FBXO11: variants seen among roughly 807,000 people sequenced by gnomAD.
FBXO11 encodes F-box protein 11.
Under a neutral mutation model 117.0 loss-of-function variants are expected in FBXO11, and 13 were observed. The ratio of observed to expected loss-of-function variants is 0.11; its 90% CI spans 0.07 to 0.18. The LOEUF (loss-of-function observed/expected upper bound fraction) is 0.18. Ranked by LOEUF, FBXO11 falls within the 10% of genes least tolerant of loss-of-function variation. The pLI is 1.00. For synonymous variants in FBXO11, 490 were observed against 380.5 expected, an observed-to-expected ratio of 1.29 and a Z score of -3.35; for missense variants, 767 against 1,164.4, an observed-to-expected ratio of 0.66 and a Z score of 4.97.
chr2:47,842,079 G>A (rs1414313240), intron 1 of FBXO11, among the ~76,000 whole-genome samples: 5 of 151,240 alleles, frequency 3.3e-5, no homozygotes, highest in African/African-American at 9.7e-5. Flanking sequence ...GCAGTTGCGC[G>A]ATCTCGGCTC....
intron 1 of FBXO11, among the ~76,000 whole-genome samples, chr2:47,879,641 G>A (rs1390140026): frequency 6.6e-6 from 1 of 152,160 alleles, no homozygotes; most frequent in Non-Finnish European, 1.5e-5. Flanking sequence ...TGTATATCAG[G>A]AAGGCTACCC....
Position 47,832,426 on chromosome 2 carries a change from G to A in FBXO11, c.1321C>T (p.His441Tyr). ...TTCCGTCTAATAATTGGGTTTCCAT[G>A]ATTTTTAACCCAAATCCCAGCTAAC... ...NALAGIWVKN[H>Y]GNPIIRRNHI... is the part of the protein sequence containing the mutation. The change falls in exon 11 of 23, where the codon CAT becomes TAT. Residue 441 changes from histidine (H) to tyrosine (Y), a missense_variant. Around this residue, in one of 10 missense-constraint regions of FBXO11, gnomAD observed 33 missense variants for 66.1 expected, o/e 0.50. Transcript: ENST00000403359. The A allele has an allele frequency of 6.2e-7, 1 of 1,613,452 alleles. No individual in the cohort carries two copies. The highest frequency in any genetic ancestry group is 8.5e-7 in the Non-Finnish European group (1 of 1,179,578).
At chr2:47,824,352 T>C (rs955830554) in intron 11 of FBXO11, among the ~76,000 whole-genome samples, 6 of 151,970 alleles carry the variant, frequency 3.9e-5, no homozygotes, top group Admixed American at 2.0e-4. Context: ...ATTAGCCAGG[T>C]GTGGTGACAT....
intron 1 of FBXO11, among the ~76,000 whole-genome samples, chr2:47,872,945 G>A (rs1481315912): frequency 6.6e-6 from 1 of 151,882 alleles, no homozygotes; most frequent in Non-Finnish European, 1.5e-5. Flanking sequence ...AGTAAATATT[G>A]ATAGCTATAA....
intron 1 of FBXO11, among the ~76,000 whole-genome samples, chr2:47,903,177 T>A (rs892297012): frequency 3.3e-5 from 5 of 152,200 alleles, no homozygotes; most frequent in African/African-American, 1.2e-4. Flanking sequence ...TATTTTTCCA[T>A]ATGGCTGGCA....
At chr2:47,822,340 A>G (rs1175226014) in intron 12 of FBXO11, 37 bp from the exon 13 acceptor site, 3 of 1,365,050 alleles carry the variant, frequency 2.2e-6, no homozygotes, top group Non-Finnish European at 3.1e-6. Flanking sequence ...GAAGACATCT[A>G]TTCAGCCAAA....
chr2:47,823,264 G>C lies in FBXO11; in HGVS notation c.1495C>G (p.His499Asp). Residue 499 changes from histidine (H) to aspartate (D), a missense_variant, in exon 12 of 23, where the codon CAT becomes GAT. By Grantham distance (81) the His-to-Asp change is moderately conservative. Coordinates refer to ENST00000403359, the MANE Select transcript of FBXO11 (RefSeq NM_001190274.2). ...NPTVVRCEIH[H>D]GQTGGIYVHE... is the part of the protein sequence containing the mutation. The stretch of plus-strand genomic sequence containing the variant: ...ACATATATTCCTCCAGTCTGCCCAT[G>C]GTGAATTTCACATCGAACCACTGTA... 2 of 1,613,836 alleles carry C rather than the reference G, an allele frequency of 1.2e-6. No homozygotes were observed. Among genetic ancestry groups the C allele is most frequent in the Non-Finnish European group, 1.7e-6 (2 of 1,179,874 alleles).
chr2:47,866,773 A>G (rs1212621706), intron 1 of FBXO11, among the ~76,000 whole-genome samples: 1 of 152,202 alleles, frequency 6.6e-6, no homozygotes, highest in Non-Finnish European at 1.5e-5. Flanking sequence ...CGCCCGGCCT[A>G]TGCTAGCAAG....
chr2:47,905,314 G>C (rs1678689182), intron 1 of FBXO11, 175 bp downstream of exon 1: 12 of 557,206 alleles, frequency 2.2e-5, no homozygotes, highest in Non-Finnish European at 3.0e-5. Flanking sequence ...TTTCCTGCCG[G>C]CCGGGCCCGG....
intron 21 of FBXO11, chr2:47,808,877 TG>T: frequency 3.3e-6 from 1 of 305,448 alleles, no homozygotes; most frequent in Non-Finnish European, 6.0e-6. Flanking sequence ...TGTTTTGTTT[TG>T]TAGAGACAGG....
intron 1 of FBXO11, among the ~76,000 whole-genome samples, chr2:47,862,668 T>C (rs1325699397): frequency 6.6e-6 from 1 of 152,192 alleles, no homozygotes; most frequent in Non-Finnish European, 1.5e-5. Context: ...GGATCATCTT[T>C]TAGCAGTGAT....
chr2:47,816,555 T>C (rs1410929385), intron 16 of FBXO11, among the ~76,000 whole-genome samples: 1 of 152,176 alleles, frequency 6.6e-6, no homozygotes, highest in Non-Finnish European at 1.5e-5. Flanking sequence ...TTTGCCCAGA[T>C]CCATCAGAGG....
At chr2:47,888,396 A>G (rs928673257) in intron 1 of FBXO11, among the ~76,000 whole-genome samples, 33 of 152,188 alleles carry the variant, frequency 2.2e-4, no homozygotes, top group African/African-American at 7.5e-4. Context: ...TGACTAATTT[A>G]CCATCTCCAA....
rs1421864180 is a variant in FBXO11, at chr2:47,807,676, A to G, written c.*442T>C. The G allele has an allele frequency of 4.3e-6, 1 of 229,890 alleles. No individual in the cohort carries two copies. Among genetic ancestry groups the G allele is most frequent in the African/African-American group, 2.2e-5 (1 of 44,850 alleles). The allele number at this position is 229,890 out of a possible 1,614,324, so 14.2% of individuals were successfully genotyped here. ...CAATCTGAATACATGTTAAAAAAAA[A>G]AAATCAAAAGGAACGCAGAAGTGCT... On this transcript the variant is annotated 3_prime_UTR_variant, in exon 23 of 23. Transcript: ENST00000403359.
chr2:47,896,629 G>A (rs149977892), intron 1 of FBXO11, among the ~76,000 whole-genome samples: 10 of 152,174 alleles, frequency 6.6e-5, no homozygotes, highest in South Asian at 2.1e-4. Context: ...ACTATGCCCC[G>A]CCCAATTGTT....
intron 1 of FBXO11, among the ~76,000 whole-genome samples, chr2:47,842,093 G>A (rs1031847049): frequency 1.2e-4 from 18 of 151,220 alleles, no homozygotes; most frequent in African/African-American, 4.4e-4. Context: ...TCGGCTCACT[G>A]CAACCTCCGT....
At chr2:47,821,296 G>A (rs1314194851) in intron 13 of FBXO11, among the ~76,000 whole-genome samples, 1 of 151,690 alleles carries the variant, frequency 6.6e-6, no homozygotes, top group Non-Finnish European at 1.5e-5. Flanking sequence ...TGGCCAACAT[G>A]GCAAAACCTG....
intron 1 of FBXO11, among the ~76,000 whole-genome samples, chr2:47,864,007 C>G (rs988608104): frequency 6.6e-5 from 10 of 151,674 alleles, no homozygotes; most frequent in African/African-American, 2.4e-4. Flanking sequence ...TAGGGTTTTG[C>G]TATTTTGAAC....
At chr2:47,808,468 A>C (rs367766935) in intron 21 of FBXO11, 41 bp from the exon 22 acceptor site, 1 of 1,502,742 alleles carries the variant, frequency 6.7e-7, no homozygotes, top group Non-Finnish European at 9.0e-7. Flanking sequence ...CAAACATGTC[A>C]TTAATGCAAA....
Sources: allele counts gnomAD v4.1 joint callset (sites outside exome capture counted in the v4.1 genomes callset), GRCh38; gene constraint gnomAD v4.1.1; regional missense constraint gnomAD v4.1.1; transcripts MANE v1.5; gene names NCBI Gene and HGNC (gene_info 2026-07-23, HGNC 2026-07-21).